The following XIST variants were observed in gnomAD, a reference collection of about 807,000 sequenced individuals.
XIST encodes the protein X inactive specific transcript.
At chrX:73,832,709 G>A (rs758482638) in intron 3 of XIST, among the ~76,000 whole-genome samples, 4 of 111,329 alleles carry the variant, frequency 3.6e-5, no homozygotes, top group Non-Finnish European at 5.6e-5. Context: ...ATAATTTAGT[G>A]CTTTGCATCT....
At chrX:73,844,665 T>C (rs199680649) in exon 1 of XIST, 3 of 557,922 alleles carry the variant, frequency 5.4e-6, no homozygotes, top group Middle Eastern at 3.1e-4. Flanking sequence ...CAGAGGAGGC[T>C]TCCTTGTCTA....
Position 73,845,529 on chromosome X carries a change from G to T in XIST, n.7195C>A, listed in dbSNP as rs771944300. 37 of 555,054 alleles carry T rather than the reference G, an allele frequency of 6.7e-5. No individual in the cohort carries two copies. The Middle Eastern group carries it at 9.3e-4, about 14-fold the overall frequency. The allele number at this position is 555,054 out of a possible 1,213,427, so 45.7% of individuals were successfully genotyped here. ...AAGATTGGAGGTGGGGTGTGGCAGG[G>T]GAGGCTTTCATGTCTATTACACAGA... On this transcript the variant is annotated non_coding_transcript_exon_variant, in exon 1 of 6. Coordinates refer to ENST00000429829, the Ensembl canonical transcript of XIST.
exon 1 of XIST, chrX:73,842,805 G>A (rs1411831670): frequency 1.8e-6 from 1 of 556,453 alleles, no homozygotes. Context: ...GGCAAAAGGG[G>A]CAGGGCAGAG....
rs1026333428 is a variant in XIST, at chrX:73,842,146, C to G, written n.10578G>C. On this transcript the variant is annotated non_coding_transcript_exon_variant, in exon 1 of 6. Transcript: ENST00000429829. ...ATAATGACCAGGTTATCGAGTCCAC[C>G]CTACAATCCAGATGTCTTTCTTAAA... 7.8e-6 allele frequency: 4 copies of G among 514,377 alleles called. No homozygotes were observed. The African/African-American group carries it at 9.3e-5, about 12-fold the overall frequency. 42.4% of individuals were successfully genotyped at this position (514,377 alleles called of 1,213,427 possible).
intron 2 of XIST, among the ~76,000 whole-genome samples, chrX:73,835,605 T>C (rs1218698373): frequency 2.7e-5 from 3 of 112,422 alleles, no homozygotes; most frequent in Non-Finnish European, 3.8e-5. Context: ...CATTCCAGGT[T>C]TGTTCATACA....
exon 1 of XIST, chrX:73,845,694 A>G (rs767372218): frequency 1.8e-6 from 1 of 551,607 alleles, no homozygotes; most frequent in East Asian, 3.3e-5. Flanking sequence ...TACGCACATT[A>G]ATGTCCAATA....
At chrX:73,847,064 T>G in exon 1 of XIST, 1 of 559,116 alleles carries the variant, frequency 1.8e-6, no homozygotes, top group Non-Finnish European at 3.2e-6. Flanking sequence ...CACCTAAGAT[T>G]ATGCACGCTA....
chrX:73,841,346 A>C, intron 1 of XIST: 1 of 456,292 alleles, frequency 2.2e-6, no homozygotes, highest in Non-Finnish European at 3.8e-6. Flanking sequence ...ATAGAATAGG[A>C]AAAAGATTAC....
chrX:73,851,050 GT>G (rs1010912479), exon 1 of XIST: 2 of 558,064 alleles, frequency 3.6e-6, no homozygotes, highest in African/African-American at 2.2e-5. Context: ...TCTTCGCTGA[GT>G]AGCTGGACAG....
chrX:73,822,144 G>C (rs774829587), exon 6 of XIST: 11 of 557,178 alleles, frequency 2.0e-5, no homozygotes, highest in Non-Finnish European at 3.2e-5. Flanking sequence ...AATGAGACTG[G>C]GGTTTGGGAA....
chrX:73,852,010 G>GA (rs200290800), exon 1 of XIST: 462 of 438,576 alleles, frequency 1.1e-3, no homozygotes, highest in South Asian at 2.4e-3. Context: ...GATGGGCGAT[G>GA]AAAAAAAAAA....
intron 5 of XIST, chrX:73,828,190 CA>C (rs1922307801): frequency 2.7e-6 from 1 of 364,925 alleles, no homozygotes; most frequent in African/African-American, 2.6e-5. Context: ...AATACCAACA[CA>C]GATGCTCTTC....
At chrX:73,826,718 G>T in exon 6 of XIST, 1 of 558,638 alleles carries the variant, frequency 1.8e-6, no homozygotes, top group Non-Finnish European at 3.2e-6. Flanking sequence ...TCCAGATTCC[G>T]GCCGTTAGTC....
At chrX:73,823,020 T>C in exon 6 of XIST, 2 of 555,457 alleles carry the variant, frequency 3.6e-6, no homozygotes, top group Non-Finnish European at 6.5e-6. Context: ...TCAGTTTTAA[T>C]AAATTTTTAC....
At chrX:73,835,617 TTTAAC>T (rs778235980) in intron 2 of XIST, among the ~76,000 whole-genome samples, 18 of 112,480 alleles carry the variant, frequency 1.6e-4, no homozygotes, top group African/African-American at 5.5e-4. Context: ...GTTCATACAC[TTTAAC>T]TTAACAATTA....
chrX:73,845,497 G>A (rs755677532), exon 1 of XIST: 4 of 556,974 alleles, frequency 7.2e-6, no homozygotes, highest in South Asian at 2.2e-5. Flanking sequence ...CTGGTGGAAG[G>A]GAAAGGAAGA....
chrX:73,824,685 T>C, exon 6 of XIST: 1 of 558,577 alleles, frequency 1.8e-6, no homozygotes, highest in Non-Finnish European at 3.2e-6. Flanking sequence ...AAGTGCTTTA[T>C]AATTTAGAAA....
intron 4 of XIST, among the ~76,000 whole-genome samples, chrX:73,830,850 C>T (rs1396149766): frequency 9.0e-6 from 1 of 111,654 alleles, no homozygotes; most frequent in Non-Finnish European, 1.9e-5. Context: ...TCCAAACACC[C>T]GAACACATGC....
chrX:73,844,449 G>A, exon 1 of XIST: 3 of 558,937 alleles, frequency 5.4e-6, no homozygotes, highest in Non-Finnish European at 9.7e-6. Flanking sequence ...TCAGTGATCA[G>A]CACCCCAGCT....
Sources: allele counts gnomAD v4.1 joint callset (sites outside exome capture counted in the v4.1 genomes callset), GRCh38; gene constraint gnomAD v4.1.1; transcripts MANE v1.5; gene names NCBI Gene and HGNC (gene_info 2026-07-23, HGNC 2026-07-21).